SPATA9: variants seen among roughly 807,000 people sequenced by gnomAD.
SPATA9 encodes the protein spermatogenesis associated 9.
A neutral mutation model predicts 25.5 loss-of-function variants in SPATA9; 27 were observed. The observed-to-expected ratio is 1.06, with a 90% CI of 0.78 to 1.46. The LOEUF (loss-of-function observed/expected upper bound fraction) is 1.46, where lower values mean the gene tolerates loss of function less well. Ranked by LOEUF, SPATA9 falls within the 40% of genes most tolerant of loss-of-function variation. The pLI, the probability that SPATA9 is intolerant of heterozygous loss-of-function variation, is 0.00. For synonymous variants in SPATA9, 102 were observed against 105.7 expected (o/e 0.97, Z 0.21); for missense variants, 282 against 297.5 (o/e 0.95, Z 0.38).
the SPATA9 span, among the ~76,000 whole-genome samples, chr5:95,714,222 C>G: frequency 6.6e-6 from 1 of 152,074 alleles, no homozygotes; most frequent in African/African-American, 2.4e-5. Flanking sequence ...GATATACAGG[C>G]TCGAGGCTCA....
chr5:95,712,763 C>A, the SPATA9 span, among the ~76,000 whole-genome samples: 2 of 152,206 alleles, frequency 1.3e-5, no homozygotes, highest in East Asian at 3.8e-4. Flanking sequence ...TTCTGTCTAA[C>A]CTCTGACCCA....
chr5:95,678,421 A>G (rs972915663), intron 2 of SPATA9, among the ~76,000 whole-genome samples: 6 of 152,088 alleles, frequency 3.9e-5, no homozygotes, highest in African/African-American at 1.4e-4. Flanking sequence ...CCTAGCCTCA[A>G]AAAGAAGATT....
chr5:95,666,045 C>T (rs1346161495), intron 3 of SPATA9, among the ~76,000 whole-genome samples: 1 of 152,192 alleles, frequency 6.6e-6, no homozygotes, highest in Non-Finnish European at 1.5e-5. Flanking sequence ...ATGGCACTGT[C>T]TACCAGGTCC....
intron 1 of SPATA9, among the ~76,000 whole-genome samples, chr5:95,694,155 G>A (rs1753955136): frequency 6.6e-6 from 1 of 151,642 alleles, no homozygotes; most frequent in South Asian, 2.1e-4. Flanking sequence ...GCAAGACCTA[G>A]TCTCAAAAAA....
the SPATA9 span, among the ~76,000 whole-genome samples, chr5:95,716,302 G>A: frequency 1.3e-5 from 2 of 152,242 alleles, no homozygotes; most frequent in Non-Finnish European, 2.9e-5. Context: ...ACCCTGCAAA[G>A]CCACATGGGC....
At chr5:95,702,458 TTACTC>T (rs749063312), upstream of SPATA9, among the ~76,000 whole-genome samples, 3 of 152,126 alleles carry the variant, frequency 2.0e-5, no homozygotes, top group African/African-American at 7.2e-5. Flanking sequence ...TCAAGCGACT[TTACTC>T]TACCACTCAG....
chr5:95,663,405 G>A (rs756308065), intron 4 of SPATA9, among the ~76,000 whole-genome samples: 4 of 152,116 alleles, frequency 2.6e-5, no homozygotes, highest in Admixed American at 6.5e-5. Flanking sequence ...TTATGGTAAT[G>A]TTTTGTTTCT....
chr5:95,652,441 T>C, downstream of SPATA9: 1 of 1,369,148 alleles, frequency 7.3e-7, no homozygotes, highest in African/African-American at 1.4e-5. Context: ...TACTTGGATG[T>C]CTCTGAGATA....
upstream of SPATA9, among the ~76,000 whole-genome samples, chr5:95,685,930 G>A (rs780395996): frequency 2.6e-5 from 4 of 152,064 alleles, no homozygotes; most frequent in East Asian, 1.9e-4. Context: ...TTTGCCTCCC[G>A]GGTTCAAGCG....
upstream of SPATA9, among the ~76,000 whole-genome samples, chr5:95,686,810 T>C (rs1169464787): frequency 1.3e-5 from 2 of 152,188 alleles, no homozygotes; most frequent in Non-Finnish European, 2.9e-5. Flanking sequence ...GCCTGGGGTA[T>C]GTCCCTCAGA....
At chr5:95,656,673 C>T (rs1450452607), downstream of SPATA9, 1 of 160,552 alleles carries the variant, frequency 6.2e-6, no homozygotes, top group African/African-American at 2.4e-5. Flanking sequence ...AGGAAAAAAT[C>T]CCTGTTTGAT....
At position 95,679,122 on chromosome 5, in the gene SPATA9, G is replaced by T. The variant is rs561685066; in HGVS notation, c.150+3406C>A. The stretch of plus-strand genomic sequence containing the variant: ...TGATAATGAGGCTATTCAGAAGGTA[G>T]AAATGAATGAATGAAGTTGCCATTT... On this transcript the variant is annotated intron_variant, in intron 2 of 4. Transcript: ENST00000274432. Among the ~76,000 whole-genome samples the T allele has an allele frequency of 2.0e-5, 3 of 152,298 alleles. No individual in the cohort carries two copies. In the East Asian group the frequency reaches 5.8e-4, roughly 29 times the overall value.
upstream of SPATA9, among the ~76,000 whole-genome samples, chr5:95,686,063 A>C (rs1011851121): frequency 2.0e-5 from 3 of 152,196 alleles, no homozygotes; most frequent in Admixed American, 1.3e-4. Flanking sequence ...TGAACTCCTG[A>C]TCTCTCTCAG....
chr5:95,698,200 A>C (rs558363121), intron 1 of SPATA9, among the ~76,000 whole-genome samples: 1 of 152,342 alleles, frequency 6.6e-6, no homozygotes, highest in East Asian at 1.9e-4. Flanking sequence ...AAAGGTGTGC[A>C]CTGCGATCAG....
At chr5:95,725,375 G>A in the SPATA9 span, among the ~76,000 whole-genome samples, 1 of 152,230 alleles carries the variant, frequency 6.6e-6, no homozygotes, top group Admixed American at 6.5e-5. Context: ...AATGCACATA[G>A]AGGTTGTAAA....
the SPATA9 span, among the ~76,000 whole-genome samples, chr5:95,708,055 G>A: frequency 6.8e-6 from 1 of 147,310 alleles, no homozygotes; most frequent in African/African-American, 2.5e-5. Flanking sequence ...ATAGTATGAT[G>A]AGGAGAGGTC....
At chr5:95,663,888 G>A in intron 4 of SPATA9, 65 bp downstream of exon 4, 1 of 878,498 alleles carries the variant, frequency 1.1e-6, no homozygotes, top group Admixed American at 2.7e-5. Context: ...CTATTGCACA[G>A]TATTATTAAC....
Position 95,666,369 on chromosome 5 carries a change from C to G in SPATA9, c.379-2321G>C, listed in dbSNP as rs141895733. ...GTAGTTAATTTCTAGCCCCAGAGTT[C>G]TTGAGTAATGAAATCTTGGACAAAT... On this transcript the variant is annotated intron_variant, in intron 3 of 4. Transcript: ENST00000274432. Among the ~76,000 whole-genome samples the G allele has an allele frequency of 7.2e-5, 11 of 152,268 alleles. No homozygotes were observed. In the East Asian group the frequency reaches 2.1e-3, roughly 29 times the overall value.
At chr5:95,655,068 A>T (rs768676141), downstream of SPATA9, among the ~76,000 whole-genome samples, 6 of 152,140 alleles carry the variant, frequency 3.9e-5, no homozygotes, top group Non-Finnish European at 7.4e-5. Context: ...TCTCTAACCG[A>T]TGCAAAGTAC....
Sources: gnomAD v4.1 joint callset for allele counts (sites outside exome capture counted in the v4.1 genomes callset) on GRCh38, gnomAD v4.1.1 for gene constraint, MANE v1.5 for transcripts, NCBI Gene and HGNC (gene_info 2026-07-23, HGNC 2026-07-21) for gene names.